Variants in MSL2 observed in about 807,000 individuals in gnomAD.
MSL2 encodes the protein E3 ubiquitin-protein ligase MSL2.
Under a neutral mutation model 35.8 loss-of-function variants are expected in MSL2, and 2 were observed. The observed-to-expected ratio is 0.06, with a 90% confidence interval of 0.02 to 0.18. The LOEUF is 0.18. Ranked by LOEUF, MSL2 falls within the 10% of genes least tolerant of loss-of-function variation. MSL2 has a pLI of 1.00. For synonymous variants in MSL2, 296 were observed against 255.7 expected, an observed-to-expected ratio of 1.16 and a Z score of -1.50; for missense variants, 523 against 706.7, an observed-to-expected ratio of 0.74 and a Z score of 2.95.
chr3:136,183,510 C>G (rs973817594), intron 1 of MSL2, among the ~76,000 whole-genome samples: 1 of 152,158 alleles, frequency 6.6e-6, no homozygotes, highest in African/African-American at 2.4e-5. Context: ...CAACCTCTGC[C>G]TCCTGGGCTC....
chr3:136,156,474 C>G (rs1039871585), intron 1 of MSL2, among the ~76,000 whole-genome samples: 1 of 152,172 alleles, frequency 6.6e-6, no homozygotes, highest in Non-Finnish European at 1.5e-5. Flanking sequence ...CTATATAAGA[C>G]AAGGGCTCCC....
chr3:136,163,366 A>G (rs1240320435), intron 1 of MSL2, among the ~76,000 whole-genome samples: 1 of 152,176 alleles, frequency 6.6e-6, no homozygotes. Flanking sequence ...TCCTAGCACT[A>G]TGTGTGTGTG....
chr3:136,181,668 G>A (rs1342610410), intron 1 of MSL2, among the ~76,000 whole-genome samples: 1 of 151,870 alleles, frequency 6.6e-6, no homozygotes, highest in Non-Finnish European at 1.5e-5. Flanking sequence ...CCTGTAATCT[G>A]AGCACTTTGG....
intron 1 of MSL2, among the ~76,000 whole-genome samples, chr3:136,161,078 T>C (rs1559960292): frequency 1.3e-5 from 2 of 151,950 alleles, no homozygotes; most frequent in African/African-American, 4.8e-5. Context: ...AGAGCAAAGG[T>C]TCCATCTCAA....
intron 1 of MSL2, among the ~76,000 whole-genome samples, chr3:136,182,031 C>T (rs1184028504): frequency 6.6e-6 from 1 of 151,366 alleles, no homozygotes; most frequent in Non-Finnish European, 1.5e-5. Context: ...AAAACTTAAA[C>T]AAGATGAAAA....
At chr3:136,182,523 A>G (rs1940398026) in intron 1 of MSL2, among the ~76,000 whole-genome samples, 1 of 152,170 alleles carries the variant, frequency 6.6e-6, no homozygotes, top group Non-Finnish European at 1.5e-5. Context: ...CAAAAAGCAC[A>G]GGGAGGGAGA....
chr3:136,180,748 GGGAA>G (rs1940317030), intron 1 of MSL2, among the ~76,000 whole-genome samples: 2 of 95,184 alleles, frequency 2.1e-5, no homozygotes, highest in Non-Finnish European at 4.3e-5. Flanking sequence ...GAGGAGAGGA[GGGAA>G]GGAGGGAAGG....
chr3:136,176,168 C>T (rs1337641933), intron 1 of MSL2, among the ~76,000 whole-genome samples: 2 of 152,112 alleles, frequency 1.3e-5, no homozygotes, highest in Non-Finnish European at 2.9e-5. Context: ...ATATTCTTTG[C>T]CCAATATAGT....
intron 1 of MSL2, among the ~76,000 whole-genome samples, chr3:136,159,208 T>A (rs1939623225): frequency 6.6e-6 from 1 of 152,026 alleles, no homozygotes; most frequent in Non-Finnish European, 1.5e-5. Context: ...GCCATAGTAA[T>A]CAAGACAGTG....
At chr3:136,170,369 T>A (rs560719216) in intron 1 of MSL2, among the ~76,000 whole-genome samples, 3 of 119,072 alleles carry the variant, frequency 2.5e-5, no homozygotes, top group African/African-American at 3.6e-5. Flanking sequence ...AAAAAAACCA[T>A]TGTTAACTAT....
intron 1 of MSL2, among the ~76,000 whole-genome samples, chr3:136,191,433 A>C (rs1293785561): frequency 6.8e-6 from 1 of 146,606 alleles, no homozygotes; most frequent in African/African-American, 2.6e-5. Flanking sequence ...GCGCCACTGC[A>C]CTCCAGCCTG....
At position 136,195,742 on chromosome 3, in the gene MSL2, A is replaced by C. The variant is rs901679406; in HGVS notation, c.-629T>G. The C allele has an allele frequency of 1.8e-5, 18 of 984,616 alleles. No individual in the cohort carries two copies. Among genetic ancestry groups the C allele is most frequent in the Admixed American group, 6.2e-5 (1 of 16,226 alleles). 61.0% of individuals were successfully genotyped at this position (984,616 alleles called of 1,614,324 possible). A position where few individuals can be genotyped will look rare whatever the true frequency, so the allele number is the denominator to read the frequency against. On this transcript the variant is annotated 5_prime_UTR_variant, in exon 1 of 2. Transcript: ENST00000309993. Reference sequence around the variant, plus strand: ...TCTCCATATCGGACGCGGGGCCCAGACTGCGCCCTGGCTCTCCGCCCCGTG... The same window carrying C: ...TCTCCATATCGGACGCGGGGCCCAGCCTGCGCCCTGGCTCTCCGCCCCGTG...
intron 1 of MSL2, among the ~76,000 whole-genome samples, chr3:136,183,691 CA>C (rs780684606): frequency 3.9e-5 from 6 of 152,040 alleles, no homozygotes; most frequent in Non-Finnish European, 8.8e-5. Context: ...CCATAAGTTC[CA>C]AAAGGTTTCA....
intron 1 of MSL2, among the ~76,000 whole-genome samples, chr3:136,177,663 A>T (rs1472805560): frequency 6.9e-6 from 1 of 144,160 alleles, no homozygotes; most frequent in Non-Finnish European, 1.5e-5. Flanking sequence ...TGGGCGACAG[A>T]GCGAGACTCC....
chr3:136,159,828 G>A (rs956517139), intron 1 of MSL2, among the ~76,000 whole-genome samples: 17 of 152,030 alleles, frequency 1.1e-4, no homozygotes, highest in South Asian at 6.2e-4. Flanking sequence ...AGAAGAAAAC[G>A]GAGAAGAAAA....
In MSL2 at chr3:136,152,123, A is replaced by C. The variant is rs142611893; in HGVS notation, c.758T>G (p.Ile253Ser). ...ATDLCSTGIDICSFSEDIKPG... is the reference protein window; with the variant it reads ...ATDLCSTGIDSCSFSEDIKPG... ...TTTTATATCTTCACTGAAACTGCAG[A>C]TATCAATGCCTGTGGAACATAAGTC... The change falls in exon 2 of 2, where the codon ATC becomes AGC. Residue 253 changes from isoleucine to serine, a missense_variant. Transcript: ENST00000309993. The C allele has an allele frequency of 2.5e-6, 4 of 1,614,216 alleles. No individual in the cohort carries two copies. Among genetic ancestry groups the C allele is most frequent in the Non-Finnish European group, 3.4e-6 (4 of 1,180,040 alleles).
intron 1 of MSL2, among the ~76,000 whole-genome samples, chr3:136,187,697 C>A (rs1940562413): frequency 6.6e-6 from 1 of 151,886 alleles, no homozygotes; most frequent in Non-Finnish European, 1.5e-5. Flanking sequence ...TTTTTGACCC[C>A]CAAATTAATA....
At chr3:136,187,954 AAG>A (rs1356771268) in intron 1 of MSL2, among the ~76,000 whole-genome samples, 1 of 152,152 alleles carries the variant, frequency 6.6e-6, no homozygotes, top group Non-Finnish European at 1.5e-5. Context: ...AAAAAAAAGA[AAG>A]AAAGAAACGG....
chr3:136,167,439 C>T (rs1473848537), intron 1 of MSL2, among the ~76,000 whole-genome samples: 3 of 151,846 alleles, frequency 2.0e-5, no homozygotes, highest in African/African-American at 7.3e-5. Context: ...GTCATATGCA[C>T]AAAAAAAATT....
Sources: allele counts gnomAD v4.1 joint callset (sites outside exome capture counted in the v4.1 genomes callset), GRCh38; gene constraint gnomAD v4.1.1; transcripts MANE v1.5; gene names NCBI Gene and HGNC (gene_info 2026-07-23, HGNC 2026-07-21).